AOPEP: variants seen among roughly 807,000 people sequenced by gnomAD.
AOPEP encodes aminopeptidase O (putative).
AOPEP carries 77 observed loss-of-function variants against 98.1 expected under a neutral mutation model. The observed-to-expected ratio is 0.78, with a 90% CI of 0.65 to 0.95. AOPEP has a LOEUF of 0.95. Ranked by LOEUF, AOPEP falls within the 40% of genes least tolerant of loss-of-function variation. AOPEP has a pLI of 0.00. For missense variants in AOPEP, 1,024 were observed against 1,024.7 expected (o/e 1.00, Z 0.01); for synonymous variants, 346 against 365.3 (o/e 0.95, Z 0.60).
chr9:94,899,667 G>A (rs887336648), intron 5 of AOPEP, among the ~76,000 whole-genome samples: 3 of 151,638 alleles, frequency 2.0e-5, no homozygotes, highest in Non-Finnish European at 4.4e-5. Context: ...GGAGGATTGC[G>A]TGAACCCAGG....
chr9:95,117,291 T>C, the AOPEP span: 1 of 1,608,388 alleles, frequency 6.2e-7, no homozygotes, highest in Non-Finnish European at 8.5e-7. Context: ...CATTCTGATG[T>C]GGGCAAAGTC....
chr9:95,085,168 G>A (rs769697534), intron 16 of AOPEP: 16 of 446,156 alleles, frequency 3.6e-5, no homozygotes, highest in Non-Finnish European at 1.4e-5. Context: ...GTCCTTCCGC[G>A]GAAGCCCAGT....
the AOPEP span, among the ~76,000 whole-genome samples, chr9:95,096,593 C>T: frequency 1.4e-4 from 21 of 152,284 alleles, no homozygotes; most frequent in African/African-American, 4.1e-4. Flanking sequence ...TGTGAAGCCA[C>T]GGGCAGGACA....
chr9:94,884,901 C>A (rs1304161218), intron 5 of AOPEP, among the ~76,000 whole-genome samples: 2 of 149,686 alleles, frequency 1.3e-5, no homozygotes, highest in Non-Finnish European at 2.9e-5. Context: ...CCCAGCTACT[C>A]GGGAGGCTGA....
chr9:94,857,189 A>G (rs1750172637), intron 5 of AOPEP, among the ~76,000 whole-genome samples: 1 of 152,188 alleles, frequency 6.6e-6, no homozygotes, highest in Non-Finnish European at 1.5e-5. Flanking sequence ...AGATTCAGCA[A>G]CCTGAAGTCA....
chr9:95,142,046 G>A, the AOPEP span, among the ~76,000 whole-genome samples: 3 of 125,800 alleles, frequency 2.4e-5, no homozygotes, highest in Admixed American at 1.0e-4. Context: ...AGGCTGGAGT[G>A]CAATGGCACG....
At chr9:94,899,179 CT>C (rs1164742981) in intron 5 of AOPEP, among the ~76,000 whole-genome samples, 2,126 of 59,530 alleles carry the variant, frequency 0.036, 27 homozygotes, top group African/African-American at 0.15. Context: ...TCTTCATTTG[CT>C]TTTTTTTTTT....
the AOPEP span, among the ~76,000 whole-genome samples, chr9:95,136,340 G>A: frequency 2.0e-5 from 3 of 152,024 alleles, no homozygotes; most frequent in Admixed American, 6.6e-5. Context: ...CTGTGTTCAC[G>A]TCACTGCACT....
At chr9:94,932,347 A>G (rs2055471109) in intron 7 of AOPEP, 1 of 947,762 alleles carries the variant, frequency 1.1e-6, no homozygotes, top group African/African-American at 1.8e-5. Context: ...GTGAAAAGAG[A>G]AAAACTAAAA....
chr9:94,784,568 T>G (rs1037691018), intron 3 of AOPEP, among the ~76,000 whole-genome samples: 1 of 152,224 alleles, frequency 6.6e-6, no homozygotes, highest in African/African-American at 2.4e-5. Context: ...GATAACTGTT[T>G]TAACACTCTT....
intron 1 of AOPEP, among the ~76,000 whole-genome samples, chr9:94,758,766 GAAATAATTTC>G (rs1028147884): frequency 7.2e-5 from 11 of 152,300 alleles, no homozygotes; most frequent in Middle Eastern, 3.4e-3. Context: ...AACGGGGACT[GAAATAATTTC>G]AAATAATTTT....
At chr9:94,984,194 G>C (rs1162494223) in intron 11 of AOPEP, among the ~76,000 whole-genome samples, 1 of 151,870 alleles carries the variant, frequency 6.6e-6, no homozygotes, top group East Asian at 1.9e-4. Flanking sequence ...CACCACGCCT[G>C]GCTAATTTTT....
At chr9:94,933,899 C>T (rs2055810427) in intron 7 of AOPEP, among the ~76,000 whole-genome samples, 1 of 152,042 alleles carries the variant, frequency 6.6e-6, no homozygotes, top group Admixed American at 6.6e-5. Context: ...AGGTGCCCGC[C>T]ACCACACCAC....
chr9:95,040,010 T>C (rs997292491), intron 13 of AOPEP, among the ~76,000 whole-genome samples: 3 of 152,352 alleles, frequency 2.0e-5, no homozygotes, highest in East Asian at 1.9e-4. Context: ...AAAAATAGCA[T>C]TGGGGCATTG....
Position 94,765,439 on chromosome 9 carries a change from AAATAATAATAAT to A in AOPEP, c.797+4889_797+4900del, listed in dbSNP as rs370305424. 1.0e-3 allele frequency among the ~76,000 whole-genome samples: 125 copies of A among 123,824 alleles called. 1 individual carries two copies. Among genetic ancestry groups the A allele is most frequent in the Admixed American group, 2.1e-3 (25 of 11,696 alleles). 81.2% of individuals were successfully genotyped at this position (123,824 alleles called of 152,430 possible). A position where few individuals can be genotyped will look rare whatever the true frequency, so the allele number is the denominator to read the frequency against. On this transcript the variant is annotated intron_variant, in intron 2 of 16. Coordinates refer to ENST00000375315, the MANE Select transcript of AOPEP (RefSeq NM_001193329.3). ...ACATGGTGAAACCCCTTCTCTACAA[AAATAATAATAAT>A]AATAATAATAATAATAATAATAATA...
chr9:94,960,342 C>CG (rs1725971315), intron 9 of AOPEP, among the ~76,000 whole-genome samples: 1 of 149,600 alleles, frequency 6.7e-6, no homozygotes, highest in South Asian at 2.1e-4. Context: ...ACCCAGGAGG[C>CG]GGGGGTTGCA....
intron 7 of AOPEP, among the ~76,000 whole-genome samples, chr9:94,938,762 G>T (rs2056641975): frequency 6.6e-6 from 1 of 152,182 alleles, no homozygotes; most frequent in Non-Finnish European, 1.5e-5. Flanking sequence ...TATGTTCCAA[G>T]AATGACATAA....
chr9:94,906,370 G>A (rs1772865402), intron 5 of AOPEP, among the ~76,000 whole-genome samples: 4 of 151,748 alleles, frequency 2.6e-5, no homozygotes, highest in South Asian at 2.1e-4. Flanking sequence ...GGAGGCTGAC[G>A]CGGGAAGATT....
At chr9:95,043,027 C>T (rs2065471823) in intron 13 of AOPEP, among the ~76,000 whole-genome samples, 1 of 151,826 alleles carries the variant, frequency 6.6e-6, no homozygotes, top group Non-Finnish European at 1.5e-5. Flanking sequence ...AATGTCAGCA[C>T]TTTGGGAGAT....
Sources: gnomAD v4.1 joint callset for allele counts (sites outside exome capture counted in the v4.1 genomes callset) on GRCh38, gnomAD v4.1.1 for gene constraint, MANE v1.5 for transcripts, NCBI Gene and HGNC (gene_info 2026-07-23, HGNC 2026-07-21) for gene names.